Variants in MAPRE1 observed in about 807,000 individuals in gnomAD.
MAPRE1 encodes the protein microtubule associated protein RP/EB family member 1, also known as microtubule-associated protein RP/EB family member 1.
A neutral mutation model predicts 32.1 loss-of-function variants in MAPRE1; 5 were observed. The ratio of observed to expected loss-of-function variants is 0.16; its 90% CI spans 0.08 to 0.33. The LOEUF is 0.33. MAPRE1 is among the 10% of genes least tolerant of loss of function. The pLI, the probability that MAPRE1 is intolerant of heterozygous loss-of-function variation, is 1.00. For synonymous variants in MAPRE1, 122 were observed against 118.9 expected (o/e 1.03, Z -0.17); for missense variants, 209 against 327.2 (o/e 0.64, Z 2.79).
chr20:32,841,081 T>G (rs903253327), intron 5 of MAPRE1, among the ~76,000 whole-genome samples: 1 of 152,252 alleles, frequency 6.6e-6, no homozygotes, highest in African/African-American at 2.4e-5. Context: ...CTCCCAGTGC[T>G]GGGATTACAG....
intron 1 of MAPRE1, among the ~76,000 whole-genome samples, chr20:32,821,309 C>T (rs1982695462): frequency 6.6e-6 from 1 of 152,210 alleles, no homozygotes; most frequent in African/African-American, 2.4e-5. Context: ...AGCCACCGCG[C>T]CTGGCAAGAG....
chr20:32,835,898 G>A (rs574065365), intron 3 of MAPRE1, among the ~76,000 whole-genome samples: 33 of 151,940 alleles, frequency 2.2e-4, no homozygotes, highest in Non-Finnish European at 3.8e-4. Context: ...GAGCCACCAC[G>A]CCCGGCCCAG....
At chr20:32,827,427 T>C (rs1982887045) in intron 2 of MAPRE1, among the ~76,000 whole-genome samples, 1 of 151,950 alleles carries the variant, frequency 6.6e-6, no homozygotes, top group Admixed American at 6.6e-5. Context: ...GAAAAATAAG[T>C]AGTGATTTAA....
chr20:32,822,539 A>G (rs1473048939), intron 1 of MAPRE1, among the ~76,000 whole-genome samples: 1 of 152,174 alleles, frequency 6.6e-6, no homozygotes, highest in African/African-American at 2.4e-5. Flanking sequence ...GAGTGAGACA[A>G]GGTCCCTACC....
chr20:32,823,421 T>C (rs151244379), intron 1 of MAPRE1, among the ~76,000 whole-genome samples: 1 of 152,266 alleles, frequency 6.6e-6, no homozygotes, highest in East Asian at 1.9e-4. Context: ...ATGAAGAAAA[T>C]TGTTAAGTGT....
chr20:32,834,809 G>A (rs1340582128), intron 3 of MAPRE1, among the ~76,000 whole-genome samples: 3 of 152,048 alleles, frequency 2.0e-5, no homozygotes, highest in Admixed American at 1.3e-4. Flanking sequence ...AGTAATAATA[G>A]TGTATAAACA....
chr20:32,848,586 TTTAA>T, intron 6 of MAPRE1, 82 bp from the exon 7 acceptor site: 1 of 1,005,144 alleles, frequency 9.9e-7, no homozygotes, highest in Non-Finnish European at 1.5e-6. Flanking sequence ...AACCATTGTT[TTTAA>T]GAGGCTGTAA....
At chr20:32,848,488 CTG>C (rs1352042687) in intron 6 of MAPRE1, among the ~76,000 whole-genome samples, 182 bp from the exon 7 acceptor site, 1 of 152,178 alleles carries the variant, frequency 6.6e-6, no homozygotes, top group African/African-American at 2.4e-5. Context: ...GTAAATTTGA[CTG>C]TGCTCAGTTT....
intron 2 of MAPRE1, among the ~76,000 whole-genome samples, 166 bp downstream of exon 2, chr20:32,826,214 C>CTTTTTTTTTTT (rs3092521): frequency 1.8e-5 from 2 of 108,918 alleles, no homozygotes; most frequent in African/African-American, 8.0e-5. Context: ...TCCAAAGGAA[C>CTTTTTTTTTTT]TTTTTTTTTT....
chr20:32,846,226 C>T (rs576146223), intron 5 of MAPRE1, among the ~76,000 whole-genome samples: 1 of 152,272 alleles, frequency 6.6e-6, no homozygotes, highest in Non-Finnish European at 1.5e-5. Context: ...TTCCAGGGTC[C>T]TTTCTATTGA....
Position 32,840,569 on chromosome 20 carries a change from C to T in MAPRE1, c.597+713C>T, listed in dbSNP as rs552261825. ...CTAACTCCTGAGCTCAAGTGATCCCCCTGCCTGAGCCTCCCAAAGTGCTGG... is the reference window on the plus strand; with the variant it reads ...CTAACTCCTGAGCTCAAGTGATCCCTCTGCCTGAGCCTCCCAAAGTGCTGG... On this transcript the variant is annotated intron_variant, in intron 5 of 6. Coordinates refer to ENST00000375571, the MANE Select transcript of MAPRE1 (RefSeq NM_012325.3). Among the ~76,000 whole-genome samples the T allele has an allele frequency of 3.6e-4, 55 of 152,250 alleles. No homozygotes were observed. In the South Asian group the frequency reaches 5.4e-3, roughly 15 times the overall value.
chr20:32,844,603 G>A (rs1329245459), intron 5 of MAPRE1, among the ~76,000 whole-genome samples: 3 of 151,612 alleles, frequency 2.0e-5, no homozygotes, highest in South Asian at 2.1e-4. Flanking sequence ...TTATAGAGAC[G>A]GGGATTCACC....
At chr20:32,846,977 G>A (rs1983522086) in intron 6 of MAPRE1, among the ~76,000 whole-genome samples, 1 of 152,210 alleles carries the variant, frequency 6.6e-6, no homozygotes, top group Non-Finnish European at 1.5e-5. Flanking sequence ...ACAAGGAGGT[G>A]GCTGGCTTGC....
intron 2 of MAPRE1, among the ~76,000 whole-genome samples, chr20:32,828,009 A>G (rs187615378): frequency 4.9e-4 from 72 of 146,572 alleles, no homozygotes; most frequent in African/African-American, 1.8e-3. Flanking sequence ...TCTTAGTTTC[A>G]TTGACTTGTC....
intron 5 of MAPRE1, among the ~76,000 whole-genome samples, chr20:32,840,886 G>C (rs1983338361): frequency 6.6e-6 from 1 of 152,168 alleles, no homozygotes; most frequent in Admixed American, 6.5e-5. Flanking sequence ...CGTGATCTCA[G>C]CTCACTGCAA....
In MAPRE1 at chr20:32,826,043, G is replaced by GC. The variant is rs948872227; in HGVS notation, c.117dup (p.Ser40LeufsTer27). 6.3e-7 allele frequency: 1 copy of GC among 1,594,382 alleles called. No individual in the cohort carries two copies. The highest frequency in any genetic ancestry group is 8.6e-7 in the Non-Finnish European group (1 of 1,164,948). Reference sequence around the variant, plus strand: ...AATCTGACAAAGATCGAACAGTTGTGCTCAGGTAAGAGAAATCTGCTGGAT... The same window carrying GC: ...AATCTGACAAAGATCGAACAGTTGTGCCTCAGGTAAGAGAAATCTGCTGGAT... On this transcript the variant is annotated frameshift_variant, in exon 2 of 7. Transcript: ENST00000375571. LOFTEE classifies it high-confidence loss of function.
chr20:32,838,497 A>G (rs1238335690), intron 4 of MAPRE1, among the ~76,000 whole-genome samples: 1 of 152,184 alleles, frequency 6.6e-6, no homozygotes, highest in Non-Finnish European at 1.5e-5. Context: ...TCTCAGTTAC[A>G]GACCCAAGAG....
At chr20:32,828,012 G>A (rs1982913758) in intron 2 of MAPRE1, among the ~76,000 whole-genome samples, 1 of 147,402 alleles carries the variant, frequency 6.8e-6, no homozygotes, top group Non-Finnish European at 1.5e-5. Context: ...TAGTTTCATT[G>A]ACTTGTCTTG....
At chr20:32,841,317 A>G (rs1422388311) in intron 5 of MAPRE1, among the ~76,000 whole-genome samples, 3 of 152,156 alleles carry the variant, frequency 2.0e-5, no homozygotes, top group Non-Finnish European at 2.9e-5. Context: ...ATGGATTTCA[A>G]ACACAGGAAG....
Sources: allele counts gnomAD v4.1 joint callset (sites outside exome capture counted in the v4.1 genomes callset), GRCh38; gene constraint gnomAD v4.1.1; transcripts MANE v1.5; gene names NCBI Gene and HGNC (gene_info 2026-07-23, HGNC 2026-07-21).